Variants in MED17 observed in about 807,000 individuals in gnomAD.
MED17 encodes mediator complex subunit 17.
In MED17, 49 loss-of-function variants were observed where a neutral mutation model predicts 80.8. That is an observed-to-expected ratio of 0.61 (90% CI 0.48 to 0.77). The LOEUF is 0.77. Among genes scored for constraint, MED17 ranks in the 30% least tolerant of loss-of-function variants. MED17 has a pLI of 0.00. For synonymous variants in MED17, 281 were observed against 280.4 expected (o/e 1.00, Z -0.02); for missense variants, 718 against 787.0 (o/e 0.91, Z 1.05).
At position 93,784,364 on chromosome 11, in the gene MED17, T is replaced by C; in HGVS notation, c.-150T>C. ...GCTGGGCCAGCTCCTTTGTTTCCAGTCTGAGCGTTGCGTTCGGTTTCCCGA... is the reference window on the plus strand; with the variant it reads ...GCTGGGCCAGCTCCTTTGTTTCCAGCCTGAGCGTTGCGTTCGGTTTCCCGA... On this transcript the variant is annotated 5_prime_UTR_variant, in exon 1 of 12. Transcript: ENST00000251871. 1 of 1,010,422 alleles carries C rather than the reference T, an allele frequency of 9.9e-7. No individual in the cohort carries two copies. Among genetic ancestry groups the C allele is most frequent in the Non-Finnish European group, 1.4e-6 (1 of 713,438 alleles). 62.6% of individuals were successfully genotyped at this position (1,010,422 alleles called of 1,614,324 possible).
rs1944111131 is a variant in MED17 at position 93,814,125 on chromosome 11, C to G, written c.*2061C>G. On this transcript the variant is annotated 3_prime_UTR_variant, in exon 12 of 12. Transcript: ENST00000251871. The stretch of plus-strand genomic sequence containing the variant: ...ACCTTGAGTAGAATGGCTGAGAATA[C>G]ATGTGCAGATACTACCGTCTGTTCT... 6.6e-6 allele frequency: 1 copy of G among 152,176 alleles called. No homozygotes were observed. Among genetic ancestry groups the G allele is most frequent in the African/African-American group, 2.4e-5 (1 of 41,442 alleles). 9.4% of individuals were successfully genotyped at this position (152,176 alleles called of 1,614,324 possible). A position where few individuals can be genotyped will look rare whatever the true frequency, so the allele number is the denominator to read the frequency against.
At chr11:93,810,525 A>G (rs541810064) in intron 11 of MED17, 1 of 152,604 alleles carries the variant, frequency 6.6e-6, no homozygotes, top group South Asian at 2.1e-4. Flanking sequence ...GTCATACCCA[A>G]CTAATTTTTG....
chr11:93,792,005 A>T (rs139708534), intron 3 of MED17, among the ~76,000 whole-genome samples: 12 of 152,328 alleles, frequency 7.9e-5, no homozygotes, highest in Non-Finnish European at 1.2e-4. Flanking sequence ...ATAAATTCTT[A>T]GTCGTTGAGC....
At chr11:93,803,987 A>ATATGTGTGTGCGTGTG (rs1314860343) in intron 9 of MED17, among the ~76,000 whole-genome samples, 2 of 3,076 alleles carry the variant, frequency 6.5e-4, no homozygotes, top group African/African-American at 8.2e-4. Context: ...GTGTGTGTGT[A>ATATGTGTGTGCGTGTG]TATATGTGTG....
rs756049765 is a variant in MED17, at chr11:93,811,975, A to G, written c.1867A>G (p.Lys623Glu). 1.9e-6 allele frequency: 3 copies of G among 1,614,006 alleles called. No individual in the cohort carries two copies. The African/African-American group carries it at 4.0e-5, about 22-fold the overall frequency. ...NKWSHLRGPF[K>E]EVQWNKMEGR... ...ATGGAGTCATCTTCGTGGGCCATTCAAAGAAGTTCAGTGGAATAAAATGGA... is the reference window on the plus strand; with the variant it reads ...ATGGAGTCATCTTCGTGGGCCATTCGAAGAAGTTCAGTGGAATAAAATGGA... The change falls in exon 12 of 12, where the codon AAA (lysine) becomes GAA (glutamate). Residue 623 changes from lysine to glutamate, a missense_variant. By Grantham distance (56) the Lys-to-Glu change is moderately conservative. Transcript: ENST00000251871.
In MED17 at chr11:93,784,333, A is replaced by T. The variant is rs1591380301; in HGVS notation, c.-181A>T. The T allele has an allele frequency of 1.3e-6, 1 of 787,766 alleles. No homozygotes were observed. Among genetic ancestry groups the T allele is most frequent in the Non-Finnish European group, 1.9e-6 (1 of 519,112 alleles). The allele number at this position is 787,766 out of a possible 1,614,324, so 48.8% of individuals were successfully genotyped here. A position where few individuals can be genotyped will look rare whatever the true frequency, so the allele number is the denominator to read the frequency against. On this transcript the variant is annotated 5_prime_UTR_variant, in exon 1 of 12. Coordinates refer to ENST00000251871, the MANE Select transcript of MED17 (RefSeq NM_004268.5). The stretch of plus-strand genomic sequence containing the variant: ...GAGGGAGCTTGCGGTGCGTTCTGGG[A>T]AAGTTGCTGGGCCAGCTCCTTTGTT...
chr11:93,807,663 C>T (rs1349327219), intron 10 of MED17, 28 bp downstream of exon 10: 1 of 1,296,924 alleles, frequency 7.7e-7, no homozygotes, highest in Non-Finnish European at 1.1e-6. Flanking sequence ...TGTCTTAAGC[C>T]CCCTTCTTCG....
intron 9 of MED17, 131 bp downstream of exon 9, chr11:93,802,103 T>C: frequency 1.2e-6 from 1 of 861,816 alleles, no homozygotes; most frequent in East Asian, 2.7e-5. Flanking sequence ...ATATAAGCTG[T>C]AGAGTGTTTT....
intron 9 of MED17, among the ~76,000 whole-genome samples, chr11:93,804,058 C>CAA (rs1943998912): frequency 2.0e-5 from 3 of 148,074 alleles, no homozygotes; most frequent in Non-Finnish European, 4.5e-5. Context: ...CACACACACA[C>CAA]ACATAAAGGG....
At chr11:93,804,164 A>G (rs796124466) in intron 9 of MED17, among the ~76,000 whole-genome samples, 5 of 152,018 alleles carry the variant, frequency 3.3e-5, no homozygotes, top group African/African-American at 1.2e-4. Flanking sequence ...TTCCAAAACT[A>G]AAGAACCTGG....
At chr11:93,807,152 C>T (rs3763808) in intron 9 of MED17, 21,601 of 221,656 alleles carry the variant, frequency 0.097, 1,148 homozygotes, top group East Asian at 0.13. Context: ...TGGCTCAGGC[C>T]TGTAATCCCA....
intron 2 of MED17, chr11:93,789,195 C>G (rs1024973004): frequency 5.3e-5 from 8 of 152,204 alleles, no homozygotes; most frequent in African/African-American, 1.9e-4. Context: ...AATAGAATTA[C>G]TCACATAGTA....
chr11:93,793,596 A>G, intron 3 of MED17, 132 bp from the exon 4 acceptor site: 1 of 703,968 alleles, frequency 1.4e-6, no homozygotes, highest in Non-Finnish European at 2.4e-6. Context: ...TTTTCCCCCA[A>G]AACATATGTT....
At position 93,788,108 on chromosome 11, in the gene MED17, AG is replaced by A; in HGVS notation, c.361del (p.Asp121IlefsTer5). The A allele has an allele frequency of 6.2e-7, 1 of 1,613,686 alleles. No homozygotes were observed. Among genetic ancestry groups the A allele is most frequent in the Non-Finnish European group, 8.5e-7 (1 of 1,179,638 alleles). On this transcript the variant is annotated frameshift_variant, in exon 2 of 12. Coordinates refer to ENST00000251871, the MANE Select transcript of MED17 (RefSeq NM_004268.5). LOFTEE classifies it high-confidence loss of function. ...TCTCTATGATGTTCTCAGTATTGTT[AG>A]GGATAAAAAATTTATGACTCTTGAT... Reference protein sequence around the residue: ...CVLYDVLSIVRDKKFMTLDPV... With the variant: ...CVLYDVLSIVXDKKFMTLDPV...
intron 3 of MED17, among the ~76,000 whole-genome samples, chr11:93,792,363 A>G (rs1441414309): frequency 6.6e-6 from 1 of 152,224 alleles, no homozygotes; most frequent in Non-Finnish European, 1.5e-5. Flanking sequence ...AGATGACAAG[A>G]CCATTTAAAA....
In MED17 at chr11:93,784,370, C is replaced by A; in HGVS notation, c.-144C>A. The A allele has an allele frequency of 9.7e-7, 1 of 1,035,602 alleles. No individual in the cohort carries two copies. The highest frequency in any genetic ancestry group is 1.4e-6 in the Non-Finnish European group (1 of 734,956). The allele number at this position is 1,035,602 out of a possible 1,614,324, so 64.2% of individuals were successfully genotyped here. ...CCAGCTCCTTTGTTTCCAGTCTGAG[C>A]GTTGCGTTCGGTTTCCCGAGGGTCT... On this transcript the variant is annotated 5_prime_UTR_variant, in exon 1 of 12. Transcript: ENST00000251871.
Position 93,807,524 on chromosome 11 carries a change from T to C in MED17, c.1473T>C (p.Ile491=), listed in dbSNP as rs1944039279. Residue 491 remains isoleucine (I), a synonymous_variant, in exon 10 of 12, where the codon ATT becomes ATC. Coordinates refer to ENST00000251871, the MANE Select transcript of MED17 (RefSeq NM_004268.5). ...SQGYEQICKS[I]QLQLNIGVEQ... ...AGTATGTGTGTCTATAAAGGTCCAT[T>C]CAACTGCAATTGAATATTGGAGTTG... The C allele has an allele frequency of 1.3e-6, 2 of 1,589,796 alleles. No individual in the cohort carries two copies. Among genetic ancestry groups the C allele is most frequent in the Admixed American group, 1.7e-5 (1 of 59,966 alleles).
Position 93,786,594 on chromosome 11 carries a change from A to G in MED17, c.251-1407A>G, listed in dbSNP as rs1943773746. ...ACGATTCTCCCACTTCAGCTTCCCT[A>G]GTATGTGGGACTGTAGGCGTGCGGC... On this transcript the variant is annotated intron_variant, in intron 1 of 11. Coordinates refer to ENST00000251871, the MANE Select transcript of MED17 (RefSeq NM_004268.5). Among the ~76,000 whole-genome samples the G allele has an allele frequency of 2.0e-5, 3 of 151,392 alleles. No individual in the cohort carries two copies. The South Asian group carries it at 6.2e-4, about 32-fold the overall frequency.
At chr11:93,809,276 A>C in intron 10 of MED17, 1 of 301,770 alleles carries the variant, frequency 3.3e-6, no homozygotes, top group South Asian at 3.1e-5. Flanking sequence ...CCCTGACCTC[A>C]CTCTTCCCTG....
Sources: gnomAD v4.1 joint callset for allele counts (sites outside exome capture counted in the v4.1 genomes callset) on GRCh38, gnomAD v4.1.1 for gene constraint, MANE v1.5 for transcripts, NCBI Gene and HGNC (gene_info 2026-07-23, HGNC 2026-07-21) for gene names.